The following PACRG variants were observed in gnomAD, a reference collection of about 807,000 sequenced individuals.
PACRG encodes the protein parkin coregulated gene protein.
Under a neutral mutation model 29.7 loss-of-function variants are expected in PACRG, and 29 were observed. The ratio of observed to expected loss-of-function variants is 0.98; its 90% CI spans 0.73 to 1.33. The LOEUF is 1.33. PACRG is among the 40% of genes most tolerant of loss of function. The pLI is 0.00. For synonymous variants in PACRG, 116 were observed against 118.7 expected (o/e 0.98, Z 0.15); for missense variants, 279 against 316.2 (o/e 0.88, Z 0.89).
rs553378776 is a variant in PACRG, at chr6:162,941,660, C to T, written c.292-120490C>T. 5.3e-5 allele frequency among the ~76,000 whole-genome samples: 8 copies of T among 152,198 alleles called. No individual in the cohort carries two copies. The East Asian group carries it at 1.4e-3, about 26-fold the overall frequency. On this transcript the variant is annotated intron_variant, in intron 2 of 4. Transcript: ENST00000366888. ...ATTCCACACTCTCCCCATGCACTTTCTTTTTTTATGTTAATTAGCTTTATT... is the reference window on the plus strand; with the variant it reads ...ATTCCACACTCTCCCCATGCACTTTTTTTTTTTATGTTAATTAGCTTTATT...
intron 4 of PACRG, among the ~76,000 whole-genome samples, chr6:163,159,523 G>A (rs1430368809): frequency 1.3e-5 from 2 of 151,960 alleles, no homozygotes; most frequent in African/African-American, 4.8e-5. Context: ...ACTGAGTCTT[G>A]CATTATGGGT....
chr6:163,028,343 T>C (rs1028759898), intron 2 of PACRG, among the ~76,000 whole-genome samples: 7 of 152,172 alleles, frequency 4.6e-5, no homozygotes, highest in African/African-American at 1.7e-4. Flanking sequence ...GTGACACTCT[T>C]TGGGCATTCA....
intron 1 of PACRG, among the ~76,000 whole-genome samples, chr6:162,787,092 A>C (rs913232701): frequency 6.6e-6 from 1 of 152,172 alleles, no homozygotes; most frequent in Non-Finnish European, 1.5e-5. Context: ...CAGCTTTTGC[A>C]TGATAGCAGA....
intron 2 of PACRG, among the ~76,000 whole-genome samples, chr6:162,988,161 T>A (rs1803070788): frequency 6.6e-6 from 1 of 152,196 alleles, no homozygotes; most frequent in South Asian, 2.1e-4. Flanking sequence ...CCACATGCTT[T>A]TCTCTCCATC....
chr6:163,008,337 A>G (rs2128207733), intron 2 of PACRG, among the ~76,000 whole-genome samples: 1 of 152,128 alleles, frequency 6.6e-6, no homozygotes, highest in Admixed American at 6.5e-5. Context: ...CAACCTAACA[A>G]CAGAATTTCC....
At chr6:163,214,112 C>T (rs1047565385) in intron 4 of PACRG, among the ~76,000 whole-genome samples, 2 of 152,072 alleles carry the variant, frequency 1.3e-5, no homozygotes, top group Non-Finnish European at 2.9e-5. Context: ...CCAATAGAAC[C>T]GTCTACAATG....
intron 3 of PACRG, among the ~76,000 whole-genome samples, chr6:163,077,980 G>A (rs368351547): frequency 3.0e-4 from 46 of 152,282 alleles, no homozygotes; most frequent in African/African-American, 1.1e-3. Flanking sequence ...TTTAAAGAGA[G>A]AACCAGCTAG....
chr6:163,255,453 A>C lies in PACRG; in HGVS notation c.614-59374A>C, dbSNP rs1783069090. On this transcript the variant is annotated intron_variant, in intron 4 of 4. Transcript: ENST00000366888. ...CAACTGGACACCATCCTGCAGGCCA[A>C]GAGGAGGTCTGTGCATGGGGCAAGA... Among the ~76,000 whole-genome samples, 3 of 152,128 alleles carry C rather than the reference A, an allele frequency of 2.0e-5. No homozygotes were observed. In the South Asian group the frequency reaches 6.2e-4, roughly 32 times the overall value.
intron 2 of PACRG, among the ~76,000 whole-genome samples, chr6:162,826,781 C>T (rs573117862): frequency 6.6e-6 from 1 of 152,240 alleles, no homozygotes; most frequent in East Asian, 1.9e-4. Flanking sequence ...AATTGTCATA[C>T]TGTAAAATTA....
At chr6:163,251,461 G>T (rs986335581) in intron 4 of PACRG, among the ~76,000 whole-genome samples, 5 of 152,060 alleles carry the variant, frequency 3.3e-5, no homozygotes, top group Admixed American at 3.3e-4. Context: ...TCTTAAACTG[G>T]TTTCCCAATA....
At chr6:163,177,322 C>T (rs373317000) in intron 4 of PACRG, among the ~76,000 whole-genome samples, 1 of 152,156 alleles carries the variant, frequency 6.6e-6, no homozygotes, top group Non-Finnish European at 1.5e-5. Flanking sequence ...CCAGGAACAG[C>T]CCTCTGTTTT....
chr6:162,875,194 CAT>C (rs1164855561), intron 2 of PACRG, among the ~76,000 whole-genome samples: 1 of 150,650 alleles, frequency 6.6e-6, no homozygotes, highest in African/African-American at 2.4e-5. Context: ...TTCACACACA[CAT>C]CCACGCACAT....
intron 2 of PACRG, among the ~76,000 whole-genome samples, chr6:162,883,225 A>G (rs570341115): frequency 6.6e-6 from 1 of 152,282 alleles, no homozygotes; most frequent in African/African-American, 2.4e-5. Context: ...TTATAAAGGC[A>G]TATTTACTGA....
chr6:162,947,611 C>CATATATATATATATAATCAT (rs1799280050), intron 2 of PACRG, among the ~76,000 whole-genome samples: 1 of 27,980 alleles, frequency 3.6e-5, no homozygotes, highest in African/African-American at 1.1e-4. Flanking sequence ...TATATATAAT[C>CATATATATATATATAATCAT]ATATATATAT....
rs76894730 is a variant in PACRG, at chr6:163,101,282, A to G, written c.613+11874A>G. On this transcript the variant is annotated intron_variant, in intron 4 of 4. Transcript: ENST00000366888. ...CAAGATGTAATTGGGCCATAATGAC[A>G]GGATTATTGCCTGGTAATTTTCCCA... 1.1e-4 allele frequency: 107 copies of G among 982,574 alleles called. No homozygotes were observed. The African/African-American group carries it at 1.8e-3, about 17-fold the overall frequency. 60.9% of individuals were successfully genotyped at this position (982,574 alleles called of 1,614,324 possible).
chr6:163,310,502 C>T (rs1158522739), intron 4 of PACRG: 2 of 152,220 alleles, frequency 1.3e-5, no homozygotes, highest in African/African-American at 4.8e-5. Context: ...GGAGGACAGC[C>T]TGTGAAACAG....
chr6:163,064,772 CAG>C (rs1811391411), intron 3 of PACRG, among the ~76,000 whole-genome samples: 2 of 151,852 alleles, frequency 1.3e-5, no homozygotes, highest in African/African-American at 4.8e-5. Context: ...ACACCATACC[CAG>C]TATAATTTTG....
At chr6:162,799,925 G>A (rs1038606652) in intron 1 of PACRG, among the ~76,000 whole-genome samples, 2 of 152,126 alleles carry the variant, frequency 1.3e-5, no homozygotes, top group Admixed American at 1.3e-4. Flanking sequence ...CAACATTAAA[G>A]GTATTAGGAG....
chr6:163,145,852 G>A (rs1279471806), intron 4 of PACRG, among the ~76,000 whole-genome samples: 2 of 152,314 alleles, frequency 1.3e-5, no homozygotes, highest in East Asian at 1.9e-4. Context: ...GGGCACTGAC[G>A]CCTACCGGAG....
Sources: allele counts gnomAD v4.1 joint callset (sites outside exome capture counted in the v4.1 genomes callset), GRCh38; gene constraint gnomAD v4.1.1; transcripts MANE v1.5; gene names NCBI Gene and HGNC (gene_info 2026-07-23, HGNC 2026-07-21).